The following ZNF142 variants were observed in gnomAD, a reference collection of about 807,000 sequenced individuals.
The protein encoded by ZNF142 is zinc finger protein 142 (clone pHZ-49).
In ZNF142, 96 loss-of-function variants were observed where a neutral mutation model predicts 132.1. The observed-to-expected ratio is 0.73, with a 90% confidence interval of 0.62 to 0.86. The LOEUF (loss-of-function observed/expected upper bound fraction) is 0.86. Ranked by LOEUF, ZNF142 falls within the 40% of genes least tolerant of loss-of-function variation. The pLI, the probability that ZNF142 is intolerant of heterozygous loss-of-function variation, is 0.00. For synonymous variants in ZNF142, 842 were observed against 890.1 expected, an observed-to-expected ratio of 0.95 and a Z score of 0.96; for missense variants, 2,163 against 2,336.2, an observed-to-expected ratio of 0.93 and a Z score of 1.53.
Position 218,643,938 on chromosome 2 carries a change from G to T in ZNF142, c.3178C>A (p.Gln1060Lys). The change falls in exon 9 of 11, where the codon CAA becomes AAA. Residue 1060 changes from glutamine (Q) to lysine (K), a missense_variant. By Grantham distance (53) the Gln-to-Lys change is moderately conservative. This residue lies in a region of ZNF142 where 809 missense variants were observed against 801.7 expected (regional missense o/e 1.01). Coordinates refer to ENST00000411696, the MANE Select transcript of ZNF142 (RefSeq NM_001379659.1). ...ALNLHSRTGC[Q>K]GRREPLLCPE... The stretch of plus-strand genomic sequence containing the variant: ...CACAGCAGGGGCTCTCGGCGGCCTT[G>T]GCACCCAGTCCTGGAGTGCAGATTC... 6.2e-7 allele frequency: 1 copy of T among 1,614,104 alleles called. No homozygotes were observed. The highest frequency in any genetic ancestry group is 8.5e-7 in the Non-Finnish European group (1 of 1,179,992).
At position 218,649,854 on chromosome 2, in the gene ZNF142, G is replaced by A. The variant is rs1937817681; in HGVS notation, c.1049-395C>T. Among the ~76,000 whole-genome samples, 4 of 152,164 alleles carry A rather than the reference G, an allele frequency of 2.6e-5. No homozygotes were observed. The South Asian group carries it at 8.3e-4, about 31-fold the overall frequency. ...CCCCCAAGGGGGTGAGCCAAAAGAAGGTACAGTACTCTTACTGGCTCACAG... is the reference window on the plus strand; with the variant it reads ...CCCCCAAGGGGGTGAGCCAAAAGAAAGTACAGTACTCTTACTGGCTCACAG... On this transcript the variant is annotated intron_variant, in intron 6 of 10. Coordinates refer to ENST00000411696, the MANE Select transcript of ZNF142 (RefSeq NM_001379659.1).
intron 10 of ZNF142, among the ~76,000 whole-genome samples, chr2:218,639,018 C>G (rs1035870821): frequency 1.3e-5 from 2 of 152,178 alleles, no homozygotes; most frequent in Non-Finnish European, 2.9e-5. Context: ...GTTGCCCAGG[C>G]TGGAGTGCAA....
chr2:218,656,104 C>T (rs751503553), intron 4 of ZNF142, 46 bp downstream of exon 4: 39 of 1,456,806 alleles, frequency 2.7e-5, no homozygotes, highest in Non-Finnish European at 3.4e-5. Context: ...CAGACAAAAC[C>T]TCAGAGCTGC....
Position 218,643,353 on chromosome 2 carries a change from C to G in ZNF142, c.3763G>C (p.Gly1255Arg). The part of the protein sequence containing the change: ...VAEGCRGGRG[G>R]GGKRGTPQTQ... ...TGGGGGGTCCCTCGTTTTCCTCCCC[C>G]GCCACGTCCCCCCCTGCAGCCTTCA... The change falls in exon 9 of 11, where the codon GGG (glycine) becomes CGG (arginine). Residue 1255 changes from glycine to arginine, a missense_variant. This residue lies in a region of ZNF142 where 809 missense variants were observed against 801.7 expected (regional missense o/e 1.01). Coordinates refer to ENST00000411696, the MANE Select transcript of ZNF142 (RefSeq NM_001379659.1). 7 of 1,614,184 alleles carry G rather than the reference C, an allele frequency of 4.3e-6. No homozygotes were observed. Among genetic ancestry groups the G allele is most frequent in the Non-Finnish European group, 5.9e-6 (7 of 1,180,022 alleles).
At position 218,644,564 on chromosome 2, in the gene ZNF142, C is replaced by G. The variant is rs1575066290; in HGVS notation, c.2552G>C (p.Ser851Thr). 1 of 1,614,120 alleles carries G rather than the reference C, an allele frequency of 6.2e-7. No homozygotes were observed. The highest frequency in any genetic ancestry group is 8.5e-7 in the Non-Finnish European group (1 of 1,180,032). The change falls in exon 9 of 11, where the codon AGC becomes ACC. Residue 851 changes from serine (S) to threonine (T), a missense_variant. By Grantham distance (58) the Ser-to-Thr change is moderately conservative. Transcript: ENST00000411696. This position sits in a 1 kb window ranked among gnomAD's most constrained non-coding sequence, Gnocchi z 4.6. ...CATCTCTGGCAGGGCCTGGTCCAAG[C>G]TGGGGTCCACCACAGTCCCAGGTTC... Reference protein sequence around the residue: ...GHEPGTVVDPSLDQALPEMSE... With the variant: ...GHEPGTVVDPTLDQALPEMSE...
In ZNF142 at chr2:218,633,558, TCA is replaced by T. The variant is rs773542248; in HGVS notation, c.*4779_*4780del. ...TGGATGGCCATTATCTTCTTCTCTCTCAGACTGCTGAGGGTTCAATTCCATCT... is the reference window on the plus strand; with the variant it reads ...TGGATGGCCATTATCTTCTTCTCTCTGACTGCTGAGGGTTCAATTCCATCT... On this transcript the variant is annotated 3_prime_UTR_variant, in exon 11 of 11. Transcript: ENST00000411696. 8 of 1,590,362 alleles carry T rather than the reference TCA, an allele frequency of 5.0e-6. No homozygotes were observed. In the Admixed American group the frequency reaches 8.3e-5, roughly 17 times the overall value.
At chr2:218,645,168 T>C (rs1005352916) in intron 8 of ZNF142, 104 bp from the exon 9 acceptor site, 1 of 1,408,822 alleles carries the variant, frequency 7.1e-7, no homozygotes, top group Non-Finnish European at 9.6e-7. Context: ...CTCAGTATCA[T>C]ACATGTGTCA....
chr2:218,641,272 A>G (rs1575057689), intron 9 of ZNF142, among the ~76,000 whole-genome samples: 8 of 97,846 alleles, frequency 8.2e-5, no homozygotes, highest in East Asian at 3.3e-4. Flanking sequence ...TTTGAGATGG[A>G]GTCTCGCTGT....
chr2:218,637,162 A>G lies in ZNF142; in HGVS notation c.*1177T>C. The G allele has an allele frequency of 3.8e-6, 1 of 262,496 alleles. No homozygotes were observed. The highest frequency in any genetic ancestry group is 7.6e-6 in the Non-Finnish European group (1 of 131,958). 16.3% of individuals were successfully genotyped at this position (262,496 alleles called of 1,614,324 possible). A position where few individuals can be genotyped will look rare whatever the true frequency, so the allele number is the denominator to read the frequency against. ...CCTCCTTAGCCCCACTGGTATAAAT[A>G]CATCTCTCTCCAATTTGGCTTCAAT... On this transcript the variant is annotated 3_prime_UTR_variant, in exon 11 of 11. Transcript: ENST00000411696.
intron 4 of ZNF142, among the ~76,000 whole-genome samples, chr2:218,653,897 T>G (rs971169416): frequency 3.9e-5 from 6 of 152,152 alleles, no homozygotes; most frequent in Non-Finnish European, 8.8e-5. Flanking sequence ...TCACCCAGGC[T>G]GCAGTGCAGT....
chr2:218,649,485 A>C, intron 6 of ZNF142, 26 bp from the exon 7 acceptor site: 1 of 1,516,028 alleles, frequency 6.6e-7, no homozygotes, highest in Non-Finnish European at 8.9e-7. Flanking sequence ...CAGAGAGTTG[A>C]GAGAGTGAGA....
intron 7 of ZNF142, among the ~76,000 whole-genome samples, 192 bp downstream of exon 7, chr2:218,648,443 T>C (rs982831632): frequency 2.0e-5 from 3 of 152,246 alleles, no homozygotes; most frequent in African/African-American, 7.2e-5. Flanking sequence ...TCAGACTGCA[T>C]GGATTCAAAT....
Position 218,637,097 on chromosome 2 carries a change from G to C in ZNF142, c.*1242C>G. 1 of 360,004 alleles carries C rather than the reference G, an allele frequency of 2.8e-6. No homozygotes were observed. The highest frequency in any genetic ancestry group is 5.4e-6 in the Non-Finnish European group (1 of 183,808). 22.3% of individuals were successfully genotyped at this position (360,004 alleles called of 1,614,324 possible). A position where few individuals can be genotyped will look rare whatever the true frequency, so the allele number is the denominator to read the frequency against. The stretch of plus-strand genomic sequence containing the variant: ...CAGGACTGTACTACGACTCTTAAGA[G>C]AACACTGCACAGCACTCAAAGTCCC... On this transcript the variant is annotated 3_prime_UTR_variant, in exon 11 of 11. Transcript: ENST00000411696.
At chr2:218,648,392 C>A (rs750587246) in intron 7 of ZNF142, among the ~76,000 whole-genome samples, 1 of 152,212 alleles carries the variant, frequency 6.6e-6, no homozygotes, top group African/African-American at 2.4e-5. Flanking sequence ...GGCTTAAGAG[C>A]GAGGCACAGC....
In ZNF142 at chr2:218,634,275, A is replaced by G; in HGVS notation, c.*4064T>C. On this transcript the variant is annotated 3_prime_UTR_variant, in exon 11 of 11. Transcript: ENST00000411696. This position sits in a 1 kb window ranked among gnomAD's most constrained non-coding sequence, Gnocchi z 4.0. ...GGAGTGGAGGAGCAGCAGGTGGGAA[A>G]TAAGTTCTCTAGTGATGGTAGGGTT... is the stretch of plus-strand genomic sequence containing the variant. The G allele has an allele frequency of 2.5e-6, 4 of 1,578,998 alleles. No individual in the cohort carries two copies. The highest frequency in any genetic ancestry group is 3.4e-6 in the Non-Finnish European group (4 of 1,162,290).
intron 9 of ZNF142, among the ~76,000 whole-genome samples, chr2:218,641,260 T>C (rs1013603116): frequency 3.4e-5 from 5 of 146,556 alleles, no homozygotes; most frequent in Non-Finnish European, 7.5e-5. Flanking sequence ...TTTTTTTTTT[T>C]TTTTGAGATG....
Position 218,651,790 on chromosome 2 carries a change from A to C in ZNF142, c.791T>G (p.Leu264Arg), listed in dbSNP as rs921789151. 3.1e-6 allele frequency: 4 copies of C among 1,289,730 alleles called. No homozygotes were observed. In the African/African-American group the frequency reaches 6.1e-5, roughly 20 times the overall value. 79.9% of individuals were successfully genotyped at this position (1,289,730 alleles called of 1,614,324 possible). The stretch of plus-strand genomic sequence containing the variant: ...ATGGCTCCGCTGATGCTGCCGGAAG[A>C]GTTTGACGTTGGAGCCTATGAAGCT... ...HCSFIGSNVK[L>R]FRQHQRSHGA... The change falls in exon 5 of 11, where the codon CTC becomes CGC. Residue 264 changes from leucine to arginine, a missense_variant. Physicochemically the swap from Leu to Arg is moderately radical, Grantham distance 102. Transcript: ENST00000411696.
rs759972871 is a variant in ZNF142, at chr2:218,643,370, C to T, written c.3746G>A (p.Cys1249Tyr). Residue 1249 changes from cysteine (C) to tyrosine (Y), a missense_variant, in exon 9 of 11, where the codon TGC (cysteine) becomes TAC (tyrosine). Cys to Tyr is a radical substitution (Grantham distance 194). This residue lies in a region of ZNF142 where 809 missense variants were observed against 801.7 expected (regional missense o/e 1.01). Coordinates refer to ENST00000411696, the MANE Select transcript of ZNF142 (RefSeq NM_001379659.1). ...SSITSHVAEGCRGGRGGGGKR... is the reference protein window; with the variant it reads ...SSITSHVAEGYRGGRGGGGKR... ...TCCTCCCCCGCCACGTCCCCCCCTG[C>T]AGCCTTCAGCCACGTGAGAGGTAAT... The T allele has an allele frequency of 1.9e-6, 3 of 1,614,212 alleles. No homozygotes were observed. The highest frequency in any genetic ancestry group is 3.3e-5 in the Admixed American group (2 of 60,032).
Position 218,643,629 on chromosome 2 carries a change from G to C in ZNF142, c.3487C>G (p.Pro1163Ala). ...EEPLATVSGS[P>A]VPPAGNSLPT... The stretch of plus-strand genomic sequence containing the variant: ...AAGGAGTTTCCTGCAGGAGGGACTG[G>C]GGAACCAGAGACTGTGGCAAGAGGC... Residue 1163 changes from proline to alanine, a missense_variant, in exon 9 of 11, where the codon CCA (proline) becomes GCA (alanine). Transcript: ENST00000411696. 6.4e-7 allele frequency: 1 copy of C among 1,553,406 alleles called. No homozygotes were observed. The highest frequency in any genetic ancestry group is 8.7e-7 in the Non-Finnish European group (1 of 1,152,432).
Sources: allele counts gnomAD v4.1 joint callset (sites outside exome capture counted in the v4.1 genomes callset), GRCh38; gene constraint gnomAD v4.1.1; regional missense constraint gnomAD v4.1.1; non-coding constraint Gnocchi (gnomAD v3.1); transcripts MANE v1.5; gene names NCBI Gene and HGNC (gene_info 2026-07-23, HGNC 2026-07-21).